MYO1D: variants seen among roughly 807,000 people sequenced by gnomAD.
MYO1D encodes unconventional myosin-Id.
Under a neutral mutation model 122.0 loss-of-function variants are expected in MYO1D, and 83 were observed. The ratio of observed to expected loss-of-function variants is 0.68; its 90% confidence interval spans 0.57 to 0.82. The LOEUF (loss-of-function observed/expected upper bound fraction) is 0.82, where lower values mean the gene tolerates loss of function less well. Among genes scored for constraint, MYO1D ranks in the 40% least tolerant of loss-of-function variants. The probability of loss-of-function intolerance (pLI) is 0.00; values close to 1 mark genes in which losing one functional copy is unlikely to be tolerated. For synonymous variants in MYO1D, 464 were observed against 446.9 expected, an observed-to-expected ratio of 1.04 and a Z score of -0.48; for missense variants, 1,157 against 1,269.5, an observed-to-expected ratio of 0.91 and a Z score of 1.35.
chr17:32,764,431 C>A (rs1303843688), intron 8 of MYO1D, among the ~76,000 whole-genome samples: 1 of 152,016 alleles, frequency 6.6e-6, no homozygotes, highest in Non-Finnish European at 1.5e-5. Context: ...ATGTTCTCAC[C>A]ACAAATAAAT....
chr17:32,759,278 C>T (rs375674866), intron 10 of MYO1D, among the ~76,000 whole-genome samples: 39 of 151,996 alleles, frequency 2.6e-4, no homozygotes, highest in Non-Finnish European at 4.4e-4. Flanking sequence ...GGTATTCTAA[C>T]GTTTAACACA....
chr17:32,795,906 C>T (rs978320175), intron 1 of MYO1D, among the ~76,000 whole-genome samples: 4 of 151,704 alleles, frequency 2.6e-5, no homozygotes, highest in Non-Finnish European at 5.9e-5. Context: ...TAGGCCTCAG[C>T]CCGCCTGCAC....
chr17:32,512,063 G>A (rs917195047), intron 21 of MYO1D, among the ~76,000 whole-genome samples: 7 of 152,168 alleles, frequency 4.6e-5, no homozygotes, highest in African/African-American at 1.7e-4. Context: ...CACTTTGGGA[G>A]GCCGAGGTGG....
intron 21 of MYO1D, among the ~76,000 whole-genome samples, chr17:32,603,647 T>G (rs1419571990): frequency 6.7e-6 from 1 of 149,648 alleles, no homozygotes; most frequent in African/African-American, 2.5e-5. Context: ...TGCCTCAGCC[T>G]CCTGAGTAGC....
chr17:32,615,143 T>A (rs2087755201), intron 20 of MYO1D, among the ~76,000 whole-genome samples: 1 of 152,140 alleles, frequency 6.6e-6, no homozygotes, highest in Non-Finnish European at 1.5e-5. Flanking sequence ...GAATAAAAAT[T>A]TGGAACAGGA....
intron 1 of MYO1D, among the ~76,000 whole-genome samples, chr17:32,802,793 C>A (rs1047863472): frequency 1.3e-5 from 2 of 152,066 alleles, no homozygotes; most frequent in Non-Finnish European, 1.5e-5. Flanking sequence ...TTATAATAAT[C>A]TATTTCTGTG....
chr17:32,506,872 T>C (rs1420019845), intron 21 of MYO1D, among the ~76,000 whole-genome samples: 1 of 151,980 alleles, frequency 6.6e-6, no homozygotes, highest in Middle Eastern at 3.2e-3. Context: ...TCCCAGCACT[T>C]TGGGAGGGTG....
rs60701225 is a variant in MYO1D at position 32,613,789 on chromosome 17, C to CAAAAAAA, written c.2710-8555_2710-8549dup. ...TGGGCGACAGAGCAAGATTCCATCT[C>CAAAAAAA]AAAAAAAAAAAAAAAAAAAAAAAAA... On this transcript the variant is annotated intron_variant, in intron 20 of 21. Coordinates refer to ENST00000318217, the MANE Select transcript of MYO1D (RefSeq NM_015194.3). 5.5e-4 allele frequency among the ~76,000 whole-genome samples: 28 copies of CAAAAAAA among 51,038 alleles called. 1 individual carries two copies. Among genetic ancestry groups the CAAAAAAA allele is most frequent in the African/African-American group, 7.3e-4 (9 of 12,370 alleles). 33.5% of individuals were successfully genotyped at this position (51,038 alleles called of 152,430 possible). A position where few individuals can be genotyped will look rare whatever the true frequency, so the allele number is the denominator to read the frequency against.
chr17:32,607,932 C>G (rs1382506904), intron 20 of MYO1D, among the ~76,000 whole-genome samples: 1 of 152,074 alleles, frequency 6.6e-6, no homozygotes, highest in Non-Finnish European at 1.5e-5. Flanking sequence ...ATTTGGACAC[C>G]CCCATGCAAA....
chr17:32,680,743 T>C (rs115866584), intron 16 of MYO1D, among the ~76,000 whole-genome samples: 8,262 of 152,224 alleles, frequency 0.054, 713 homozygotes, highest in African/African-American at 0.18. Flanking sequence ...GTGTCTCTGG[T>C]ATCAGAATGA....
In MYO1D at chr17:32,659,126, C is replaced by T. The variant is rs969564116; in HGVS notation, c.2334G>A (p.Thr778=). 5 of 1,613,890 alleles carry T rather than the reference C, an allele frequency of 3.1e-6. No individual in the cohort carries two copies. The highest frequency in any genetic ancestry group is 1.3e-5 in the African/African-American group (1 of 74,910). Residue 778 remains threonine (T), a synonymous_variant, in exon 17 of 22, where the codon ACG becomes ACA. Transcript: ENST00000318217. ...VLRRFEEALQ[T]IFNRWRASQL... ...CAGCACGTTCTTACCTATTGAAAAT[C>T]GTCTGCAGGGCCTCCTCAAAACGGC...
intron 1 of MYO1D, among the ~76,000 whole-genome samples, chr17:32,821,960 G>C (rs1006172219): frequency 6.2e-4 from 94 of 152,302 alleles, no homozygotes; most frequent in Non-Finnish European, 1.1e-3. Flanking sequence ...GTGGAAGTCA[G>C]TGTGGCCATT....
chr17:32,557,824 A>T (rs2087081822), intron 21 of MYO1D, among the ~76,000 whole-genome samples: 1 of 152,096 alleles, frequency 6.6e-6, no homozygotes, highest in African/African-American at 2.4e-5. Flanking sequence ...CCTGAAAATT[A>T]TATAAAATTC....
chr17:32,849,494 G>A (rs1839677418), intron 1 of MYO1D, among the ~76,000 whole-genome samples: 1 of 150,922 alleles, frequency 6.6e-6, no homozygotes, highest in Non-Finnish European at 1.5e-5. Flanking sequence ...CATAAAAAAG[G>A]ATGAGTTCAT....
At chr17:32,869,953 T>C (rs1053340865) in intron 1 of MYO1D, among the ~76,000 whole-genome samples, 3 of 151,844 alleles carry the variant, frequency 2.0e-5, no homozygotes, top group African/African-American at 4.8e-5. Context: ...AAAAGAAAAG[T>C]AGATCCCATC....
At chr17:32,716,766 C>T (rs1339719321) in intron 15 of MYO1D, among the ~76,000 whole-genome samples, 1 of 152,214 alleles carries the variant, frequency 6.6e-6, no homozygotes, top group Non-Finnish European at 1.5e-5. Context: ...CTGCTCAGCT[C>T]CCATGGCAGG....
At chr17:32,677,039 T>C (rs376130595) in intron 16 of MYO1D, among the ~76,000 whole-genome samples, 9 of 152,226 alleles carry the variant, frequency 5.9e-5, no homozygotes, top group African/African-American at 2.2e-4. Flanking sequence ...CTTGATCTCC[T>C]GACTTCGTGA....
At chr17:32,746,834 GTTC>G (rs1342670247) in intron 12 of MYO1D, among the ~76,000 whole-genome samples, 1 of 152,200 alleles carries the variant, frequency 6.6e-6, no homozygotes, top group Non-Finnish European at 1.5e-5. Flanking sequence ...TATTGTCTCA[GTTC>G]TTCTGTAAAT....
chr17:32,603,484 G>C (rs2087586097), intron 21 of MYO1D, among the ~76,000 whole-genome samples: 1 of 150,764 alleles, frequency 6.6e-6, no homozygotes, highest in African/African-American at 2.4e-5. Flanking sequence ...ATTTATTGCA[G>C]AGATGCCTTC....
Sources: gnomAD v4.1 joint callset for allele counts (sites outside exome capture counted in the v4.1 genomes callset) on GRCh38, gnomAD v4.1.1 for gene constraint, MANE v1.5 for transcripts, NCBI Gene and HGNC (gene_info 2026-07-23, HGNC 2026-07-21) for gene names.